Variants in PCDHGB6 observed in about 807,000 individuals in gnomAD.
PCDHGB6 encodes protocadherin gamma subfamily B, 6.
In PCDHGB6, 51 loss-of-function variants were observed where a neutral mutation model predicts 59.1. That is an observed-to-expected ratio of 0.86 (90% CI 0.69 to 1.09). The LOEUF (loss-of-function observed/expected upper bound fraction) is 1.09. Among genes scored for constraint, PCDHGB6 ranks in the 50% least tolerant of loss-of-function variants. The probability of loss-of-function intolerance (pLI) is 0.00; values close to 1 mark genes in which losing one functional copy is unlikely to be tolerated. For missense variants in PCDHGB6, 1,148 were observed against 1,205.1 expected (o/e 0.95, Z 0.70); for synonymous variants, 466 against 495.1 (o/e 0.94, Z 0.78).
Position 141,409,997 on chromosome 5 carries a change from G to T in PCDHGB6, c.1795G>T (p.Gly599Ter). 1.9e-6 allele frequency: 3 copies of T among 1,613,224 alleles called. No homozygotes were observed. The highest frequency in any genetic ancestry group is 2.5e-6 in the Non-Finnish European group (3 of 1,179,798). The change falls in exon 1 of 4, where the codon GGA becomes TGA. Residue 599 changes from glycine (G) to a stop codon, truncating the protein, a stop_gained. Transcript: ENST00000520790. LOFTEE classifies it high-confidence loss of function. Reference sequence around the variant, plus strand: ...GGTGGTAGCGGTGGACGCCGACTCGGGACACAACGCCTGGCTGTCCTACCA... The same window carrying T: ...GGTGGTAGCGGTGGACGCCGACTCGTGACACAACGCCTGGCTGTCCTACCA... ...TKVVAVDADS[G>*]HNAWLSYHVL... is the part of the protein sequence containing the mutation.
At chr5:141,419,558 C>T (rs560723941) in intron 1 of PCDHGB6, 1 of 1,611,970 alleles carries the variant, frequency 6.2e-7, no homozygotes, top group African/African-American at 1.3e-5. Context: ...GTACCCTGCG[C>T]TGGGTCCCGA....
intron 2 of PCDHGB6, 58 bp downstream of exon 2, chr5:141,494,923 G>T: frequency 6.2e-7 from 1 of 1,613,698 alleles, no homozygotes; most frequent in Non-Finnish European, 8.5e-7. Context: ...CAGGGATGAC[G>T]TGGGAGGAGA....
chr5:141,456,973 A>G (rs1276476368), intron 1 of PCDHGB6, among the ~76,000 whole-genome samples: 2 of 147,412 alleles, frequency 1.4e-5, no homozygotes, highest in Admixed American at 6.7e-5. Flanking sequence ...AAAACAAAAC[A>G]AACAAACAAA....
chr5:141,483,951 TTG>T (rs1298075162), intron 1 of PCDHGB6, among the ~76,000 whole-genome samples: 2 of 147,758 alleles, frequency 1.4e-5, no homozygotes, highest in Non-Finnish European at 3.0e-5. Flanking sequence ...GTGAATTGTG[TTG>T]TGTTTCTGTG....
Position 141,456,287 on chromosome 5 carries a change from C to A in PCDHGB6, c.2419-38520C>A, listed in dbSNP as rs951430060. On this transcript the variant is annotated intron_variant, in intron 1 of 3. Transcript: ENST00000520790. ...CTGGCTACTTCCTGCTGAAAAGGGGCGTCTAATGGAGAACAGCAGCTAGGG... is the reference window on the plus strand; with the variant it reads ...CTGGCTACTTCCTGCTGAAAAGGGGAGTCTAATGGAGAACAGCAGCTAGGG... Among the ~76,000 whole-genome samples, 11 of 152,166 alleles carry A rather than the reference C, an allele frequency of 7.2e-5. No individual in the cohort carries two copies. In the East Asian group the frequency reaches 1.9e-3, roughly 27 times the overall value.
At chr5:141,419,901 C>A (rs2096446114) in intron 1 of PCDHGB6, 5 of 1,614,108 alleles carry the variant, frequency 3.1e-6, no homozygotes, top group Non-Finnish European at 4.2e-6. Flanking sequence ...CATCCCACAC[C>A]CTCTGACTCC....
chr5:141,506,017 C>G (rs2099850061), intron 3 of PCDHGB6, among the ~76,000 whole-genome samples: 1 of 152,176 alleles, frequency 6.6e-6, no homozygotes, highest in Non-Finnish European at 1.5e-5. Flanking sequence ...TTTGCTGCCC[C>G]TAACTCCAGA....
chr5:141,510,510 G>A (rs1042950478), intron 3 of PCDHGB6, among the ~76,000 whole-genome samples: 5 of 152,132 alleles, frequency 3.3e-5, no homozygotes, highest in Non-Finnish European at 5.9e-5. Context: ...CTGAGAGCCC[G>A]TGTCACAGCC....
rs768265171 is a variant in PCDHGB6, at chr5:141,432,847, G to T, written c.2418+22227G>T. The T allele has an allele frequency of 6.2e-7, 1 of 1,614,180 alleles. No homozygotes were observed. On this transcript the variant is annotated intron_variant, in intron 1 of 3. Transcript: ENST00000520790. The surrounding 1 kb of genome is among the most constrained non-coding windows in gnomAD (Gnocchi z 6.0). ...ACCTCACTCTGTACCTGGTGGTAGC[G>T]GTGGCCGCGGTCTCCTGCGTCTTCC...
chr5:141,413,665 C>T (rs770111467), intron 1 of PCDHGB6: 1 of 1,613,726 alleles, frequency 6.2e-7, no homozygotes, highest in East Asian at 2.2e-5. Flanking sequence ...AGCTATTGAT[C>T]CGGATGTGGG....
chr5:141,478,364 G>A (rs1382073187), intron 1 of PCDHGB6: 2 of 1,613,660 alleles, frequency 1.2e-6, no homozygotes, highest in African/African-American at 2.7e-5. Flanking sequence ...CGTGCGGGGA[G>A]GCCTGATGTC....
chr5:141,471,562 G>T (rs2099259935), intron 1 of PCDHGB6: 1 of 152,136 alleles, frequency 6.6e-6, no homozygotes, highest in Non-Finnish European at 1.5e-5. Flanking sequence ...TTGACTCAGG[G>T]GTAGCAGTAG....
At chr5:141,482,544 A>AAAC (rs1041838777) in intron 1 of PCDHGB6, among the ~76,000 whole-genome samples, 4 of 151,844 alleles carry the variant, frequency 2.6e-5, no homozygotes, top group Non-Finnish European at 4.4e-5. Context: ...AAAAAAAAAA[A>AAAC]AAAAAGATAA....
intron 1 of PCDHGB6, among the ~76,000 whole-genome samples, chr5:141,436,522 C>T (rs933890051): frequency 3.9e-5 from 6 of 152,088 alleles, no homozygotes; most frequent in African/African-American, 1.4e-4. Context: ...ACTGTGTCAC[C>T]TTTAGCAAGT....
chr5:141,480,453 A>G (rs1033797238), intron 1 of PCDHGB6, among the ~76,000 whole-genome samples: 1 of 152,182 alleles, frequency 6.6e-6, no homozygotes, highest in African/African-American at 2.4e-5. Context: ...AATTATTTTT[A>G]TTAGTTCCTC....
In PCDHGB6 at chr5:141,432,908, C is replaced by T. The variant is rs757934634; in HGVS notation, c.2418+22288C>T. On this transcript the variant is annotated intron_variant, in intron 1 of 3. Transcript: ENST00000520790. This position sits in a 1 kb window ranked among gnomAD's most constrained non-coding sequence, Gnocchi z 6.0. Reference sequence around the variant, plus strand: ...CATCTTGCTGCTGGCGCTCAGGCTGCGGCGCTGGCACAAGTCACGCCTGCT... The same window carrying T: ...CATCTTGCTGCTGGCGCTCAGGCTGTGGCGCTGGCACAAGTCACGCCTGCT... 3.7e-5 allele frequency: 60 copies of T among 1,614,050 alleles called. No individual in the cohort carries two copies. Among genetic ancestry groups the T allele is most frequent in the Middle Eastern group, 3.3e-4 (2 of 6,082 alleles).
At chr5:141,439,126 G>A (rs2098089550) in intron 1 of PCDHGB6, among the ~76,000 whole-genome samples, 1 of 151,328 alleles carries the variant, frequency 6.6e-6, no homozygotes, top group African/African-American at 2.4e-5. Flanking sequence ...CCGGGAGACA[G>A]AGGTTGCAGT....
At chr5:141,504,452 T>C (rs1208972630) in intron 2 of PCDHGB6, among the ~76,000 whole-genome samples, 1 of 152,060 alleles carries the variant, frequency 6.6e-6, no homozygotes, top group Non-Finnish European at 1.5e-5. Flanking sequence ...TAGTGCCATG[T>C]GGGGCAGCCG....
At chr5:141,504,961 G>A (rs995382728) in intron 2 of PCDHGB6, among the ~76,000 whole-genome samples, 2 of 151,928 alleles carry the variant, frequency 1.3e-5, no homozygotes, top group Non-Finnish European at 2.9e-5. Flanking sequence ...TCAATGCATT[G>A]GACCAGCCTG....
Sources: gnomAD v4.1 joint callset for allele counts (sites outside exome capture counted in the v4.1 genomes callset) on GRCh38, gnomAD v4.1.1 for gene constraint, Gnocchi (gnomAD v3.1) non-coding constraint, MANE v1.5 for transcripts, NCBI Gene and HGNC (gene_info 2026-07-23, HGNC 2026-07-21) for gene names.